Variants in TLN2 observed in about 807,000 individuals in gnomAD.
TLN2 encodes talin 2.
Under a neutral mutation model 294.7 loss-of-function variants are expected in TLN2, and 118 were observed. The ratio of observed to expected loss-of-function variants is 0.40; its 90% CI spans 0.34 to 0.47. The LOEUF is 0.47. Among genes scored for constraint, TLN2 ranks in the 20% least tolerant of loss-of-function variants. TLN2 has a pLI of 0.84. For missense variants in TLN2, 3,083 were observed against 3,282.2 expected, an observed-to-expected ratio of 0.94 and a Z score of 1.48; for synonymous variants, 1,431 against 1,304.5, an observed-to-expected ratio of 1.10 and a Z score of -2.09.
chr15:62,840,075 C>G (rs1350828293), intron 58 of TLN2, among the ~76,000 whole-genome samples: 1 of 152,172 alleles, frequency 6.6e-6, no homozygotes, highest in African/African-American at 2.4e-5. Flanking sequence ...CCGGGTCTTC[C>G]TCCACTGGCT....
At chr15:62,411,960 T>G (rs2033803754) in intron 1 of TLN2, among the ~76,000 whole-genome samples, 1 of 152,222 alleles carries the variant, frequency 6.6e-6, no homozygotes, top group Admixed American at 6.5e-5. Flanking sequence ...AAGATTCATC[T>G]GAGTACTAAC....
At chr15:62,460,287 T>C (rs543527235) in intron 1 of TLN2, among the ~76,000 whole-genome samples, 51 of 149,534 alleles carry the variant, frequency 3.4e-4, no homozygotes, top group African/African-American at 1.2e-3. Context: ...TCCCTTGAGA[T>C]GGAGTTTTGC....
intron 2 of TLN2, among the ~76,000 whole-genome samples, chr15:62,592,193 C>G (rs1211191540): frequency 3.9e-5 from 6 of 152,130 alleles, no homozygotes; most frequent in Non-Finnish European, 7.4e-5. Context: ...AATACCTGTT[C>G]CAAGAAGCCT....
intron 52 of TLN2, among the ~76,000 whole-genome samples, chr15:62,811,130 A>G (rs2066649341): frequency 6.6e-6 from 1 of 152,254 alleles, no homozygotes; most frequent in South Asian, 2.1e-4. Context: ...CTTCTTAGAA[A>G]TAAATTATCT....
chr15:62,413,997 A>G (rs2033928352), intron 1 of TLN2, among the ~76,000 whole-genome samples: 2 of 108,618 alleles, frequency 1.8e-5, no homozygotes, highest in Middle Eastern at 8.1e-3. Flanking sequence ...ATCTGGCTGC[A>G]GTGGTCAAGG....
At chr15:62,435,167 T>A (rs1490368508) in intron 1 of TLN2, among the ~76,000 whole-genome samples, 1 of 152,214 alleles carries the variant, frequency 6.6e-6, no homozygotes, top group Non-Finnish European at 1.5e-5. Flanking sequence ...AGTCTATCAT[T>A]GATGGGCATT....
At chr15:62,609,191 C>T (rs1478511148) in intron 2 of TLN2, among the ~76,000 whole-genome samples, 1 of 152,192 alleles carries the variant, frequency 6.6e-6, no homozygotes, top group Non-Finnish European at 1.5e-5. Context: ...CAATCACAGA[C>T]TCACAGAGAA....
At chr15:62,541,043 C>A (rs1055847830) in intron 1 of TLN2, among the ~76,000 whole-genome samples, 1 of 152,068 alleles carries the variant, frequency 6.6e-6, no homozygotes, top group Non-Finnish European at 1.5e-5. Flanking sequence ...CTGTGAACTT[C>A]TAAAGTCAAA....
chr15:62,719,977 C>A, intron 25 of TLN2, 97 bp downstream of exon 25: 1 of 908,208 alleles, frequency 1.1e-6, no homozygotes, highest in Non-Finnish European at 1.6e-6. Flanking sequence ...ACAGCCTCAG[C>A]TAAGTCTTTG....
At chr15:62,429,358 CTT>C (rs2034891187) in intron 1 of TLN2, among the ~76,000 whole-genome samples, 1 of 152,156 alleles carries the variant, frequency 6.6e-6, no homozygotes, top group South Asian at 2.1e-4. Flanking sequence ...CCTTTAGGTG[CTT>C]CGAAAATCGA....
intron 1 of TLN2, among the ~76,000 whole-genome samples, chr15:62,479,051 G>T (rs952695607): frequency 3.3e-5 from 5 of 152,146 alleles, no homozygotes; most frequent in African/African-American, 1.2e-4. Flanking sequence ...ACCCCTTCTG[G>T]AATGCTGGGA....
intron 1 of TLN2, among the ~76,000 whole-genome samples, chr15:62,538,807 A>T (rs2041507639): frequency 6.6e-6 from 1 of 152,208 alleles, no homozygotes; most frequent in Non-Finnish European, 1.5e-5. Flanking sequence ...TCATTCTGAA[A>T]AATTGTTACA....
chr15:62,724,929 CT>C, intron 26 of TLN2, 46 bp from the exon 27 acceptor site: 2 of 1,567,526 alleles, frequency 1.3e-6, no homozygotes, highest in South Asian at 1.2e-5. Context: ...GTTGGGGACA[CT>C]TTTCCCAAGC....
At chr15:62,670,929 T>C (rs2055332901) in intron 9 of TLN2, among the ~76,000 whole-genome samples, 2 of 152,250 alleles carry the variant, frequency 1.3e-5, no homozygotes, top group Admixed American at 6.5e-5. Flanking sequence ...AGTTTCTCTA[T>C]GCCTTTGTCA....
At chr15:62,522,044 TC>T (rs568451837) in intron 1 of TLN2, among the ~76,000 whole-genome samples, 200 of 152,242 alleles carry the variant, frequency 1.3e-3, no homozygotes, top group African/African-American at 4.6e-3. Context: ...CAACTTCCCT[TC>T]CCATCATGGC....
intron 41 of TLN2, among the ~76,000 whole-genome samples, chr15:62,768,681 A>G (rs941394297): frequency 2.0e-5 from 3 of 152,224 alleles, no homozygotes; most frequent in African/African-American, 7.2e-5. Flanking sequence ...CCAAGGAAGG[A>G]TGTTTCCTGT....
intron 1 of TLN2, among the ~76,000 whole-genome samples, chr15:62,567,692 G>A (rs551662533): frequency 1.2e-4 from 19 of 152,140 alleles, no homozygotes; most frequent in African/African-American, 4.3e-4. Flanking sequence ...AAAATTACCC[G>A]GGCGTGATGG....
chr15:62,782,933 C>A (rs1407872575), intron 44 of TLN2, among the ~76,000 whole-genome samples: 1 of 152,156 alleles, frequency 6.6e-6, no homozygotes, highest in African/African-American at 2.4e-5. Context: ...GACAGTGACA[C>A]CCGTCTGGGT....
chr15:62,582,305 T>C (rs115280597), intron 1 of TLN2, among the ~76,000 whole-genome samples: 1 of 150,726 alleles, frequency 6.6e-6, no homozygotes, highest in South Asian at 2.1e-4. Context: ...TGGGGCCCCC[T>C]GTGTCTGCCC....
Sources: gnomAD v4.1 joint callset for allele counts (sites outside exome capture counted in the v4.1 genomes callset) on GRCh38, gnomAD v4.1.1 for gene constraint, MANE v1.5 for transcripts, NCBI Gene and HGNC (gene_info 2026-07-23, HGNC 2026-07-21) for gene names.